Variants in WIPF2 observed in about 807,000 individuals in gnomAD.
The protein encoded by WIPF2 is WAS/WASL interacting protein family member 2.
Under a neutral mutation model 38.8 loss-of-function variants are expected in WIPF2, and 23 were observed. That is an observed-to-expected ratio of 0.59 (90% CI 0.43 to 0.84). WIPF2 has a LOEUF of 0.84. Among genes scored for constraint, WIPF2 ranks in the 40% least tolerant of loss-of-function variants. The pLI, the probability that WIPF2 is intolerant of heterozygous loss-of-function variation, is 0.00. For missense variants in WIPF2, 574 were observed against 580.5 expected, an observed-to-expected ratio of 0.99 and a Z score of 0.11; for synonymous variants, 210 against 223.2, an observed-to-expected ratio of 0.94 and a Z score of 0.53.
intron 1 of WIPF2, among the ~76,000 whole-genome samples, chr17:40,242,081 G>A (rs1004210683): frequency 4.6e-5 from 7 of 152,172 alleles, no homozygotes; most frequent in African/African-American, 1.7e-4. Flanking sequence ...AAGATGAGCA[G>A]CTCTATAGAA....
chr17:40,274,236 G>A (rs981483280), intron 6 of WIPF2, among the ~76,000 whole-genome samples: 11 of 152,126 alleles, frequency 7.2e-5, no homozygotes, highest in Non-Finnish European at 1.2e-4. Flanking sequence ...ATCAGCAAGT[G>A]TTGTGCTAAC....
Position 40,246,636 on chromosome 17 carries a change from A to T in WIPF2, c.-69-9755A>T, listed in dbSNP as rs183215968. On this transcript the variant is annotated intron_variant, in intron 1 of 7. Transcript: ENST00000323571. The stretch of plus-strand genomic sequence containing the variant: ...GGTCTTGAACTCCTGACCTCAAATG[A>T]TCCGCCTGCCTTAGCCTCCCAAAGT... Among the ~76,000 whole-genome samples the T allele has an allele frequency of 1.7e-3, 255 of 151,324 alleles. 1 individual carries two copies. Among genetic ancestry groups the T allele is most frequent in the African/African-American group, 6.0e-3 (246 of 41,206 alleles).
At chr17:40,264,124 G>T (rs1415299115) in intron 4 of WIPF2, among the ~76,000 whole-genome samples, 1 of 151,544 alleles carries the variant, frequency 6.6e-6, no homozygotes, top group Non-Finnish European at 1.5e-5. Context: ...CCTGAGGTTG[G>T]GATTTCGAGA....
intron 5 of WIPF2, among the ~76,000 whole-genome samples, chr17:40,272,246 C>T (rs950408489): frequency 1.3e-5 from 2 of 151,980 alleles, no homozygotes; most frequent in Non-Finnish European, 2.9e-5. Context: ...CTCGAACTCC[C>T]GACCTCAGGT....
rs112710081 is a variant in WIPF2, at chr17:40,264,935, G to A, written c.759G>A (p.Pro253=). Residue 253 remains proline, a synonymous_variant, in exon 5 of 8, where the codon CCG becomes CCA. Transcript: ENST00000323571. ...PSGQSLAPPP[P]PYRQPPGVPN... ...GCCAGTCTCTGGCTCCTCCTCCTCC[G>A]CCTTACCGCCAGCCTCCTGGGGTCC... is the stretch of plus-strand genomic sequence containing the variant. The A allele has an allele frequency of 4.2e-5, 67 of 1,613,942 alleles. No individual in the cohort carries two copies. Among genetic ancestry groups the A allele is most frequent in the African/African-American group, 2.5e-4 (19 of 74,896 alleles).
In WIPF2 at chr17:40,264,568, G is replaced by A. The variant is rs771123884; in HGVS notation, c.392G>A (p.Ser131Asn). The change falls in exon 5 of 8, where the codon AGC (serine) becomes AAC (asparagine). Residue 131 changes from serine to asparagine, a missense_variant. Ser to Asn is a conservative substitution (Grantham distance 46). Coordinates refer to ENST00000323571, the MANE Select transcript of WIPF2 (RefSeq NM_133264.5). ...CCAAGGCCTCCAGTATCTGCCGCCAGCGGGCGTCCTCAGGATGATACAGAC... is the reference window on the plus strand; with the variant it reads ...CCAAGGCCTCCAGTATCTGCCGCCAACGGGCGTCCTCAGGATGATACAGAC... The part of the protein sequence containing the change: ...AAPRPPVSAA[S>N]GRPQDDTDSS... 6.2e-7 allele frequency: 1 copy of A among 1,614,112 alleles called. No individual in the cohort carries two copies. Among genetic ancestry groups the A allele is most frequent in the South Asian group, 1.1e-5 (1 of 91,092 alleles).
At chr17:40,232,179 A>ATTTTTTTTT (rs752876006) in intron 1 of WIPF2, among the ~76,000 whole-genome samples, 18 of 76,052 alleles carry the variant, frequency 2.4e-4, no homozygotes, top group East Asian at 4.7e-4. Context: ...TGCCTGGCTA[A>ATTTTTTTTT]TTTTTTTTTT....
intron 1 of WIPF2, among the ~76,000 whole-genome samples, chr17:40,247,170 A>G (rs1317533214): frequency 6.8e-6 from 1 of 147,322 alleles, no homozygotes. Context: ...ACATAGGTGT[A>G]TGAAATGTTC....
chr17:40,253,558 C>T (rs1025435102), intron 1 of WIPF2, among the ~76,000 whole-genome samples: 7 of 152,142 alleles, frequency 4.6e-5, no homozygotes, highest in South Asian at 2.1e-4. Context: ...TTTACTGTTT[C>T]GATCAATTTT....
chr17:40,242,747 G>A (rs2031235483), intron 1 of WIPF2, among the ~76,000 whole-genome samples: 1 of 152,126 alleles, frequency 6.6e-6, no homozygotes, highest in African/African-American at 2.4e-5. Context: ...AAGCTACATC[G>A]AAAGTGTTAT....
intron 1 of WIPF2, among the ~76,000 whole-genome samples, chr17:40,250,190 C>T (rs2031506357): frequency 6.9e-6 from 1 of 144,578 alleles, no homozygotes; most frequent in Non-Finnish European, 1.5e-5. Context: ...ATATTGACTC[C>T]TGAGGATGTG....
chr17:40,251,860 A>G (rs118120219), intron 1 of WIPF2, among the ~76,000 whole-genome samples: 2 of 152,352 alleles, frequency 1.3e-5, no homozygotes, highest in East Asian at 1.9e-4. Flanking sequence ...CATGCATACA[A>G]TCCCTGTGGA....
chr17:40,263,560 G>A lies in WIPF2; in HGVS notation c.313+919G>A, dbSNP rs944787161. On this transcript the variant is annotated intron_variant, in intron 4 of 7. Coordinates refer to ENST00000323571, the MANE Select transcript of WIPF2 (RefSeq NM_133264.5). ...TTATTTATTCGTCCCCCCCCCCCCCGCAAATGGAGTCTTGCTCTGTCGCCC... is the reference window on the plus strand; with the variant it reads ...TTATTTATTCGTCCCCCCCCCCCCCACAAATGGAGTCTTGCTCTGTCGCCC... 8.3e-4 allele frequency among the ~76,000 whole-genome samples: 24 copies of A among 29,062 alleles called. 2 individuals are homozygous for A. Among genetic ancestry groups the A allele is most frequent in the African/African-American group, 2.6e-3 (20 of 7,608 alleles). 19.1% of individuals were successfully genotyped at this position (29,062 alleles called of 152,430 possible). A position where few individuals can be genotyped will look rare whatever the true frequency, so the allele number is the denominator to read the frequency against.
intron 1 of WIPF2, among the ~76,000 whole-genome samples, chr17:40,250,239 T>TTTTTA (rs2031512950): frequency 8.1e-6 from 1 of 123,244 alleles, no homozygotes; most frequent in Non-Finnish European, 1.7e-5. Context: ...TTTTTTTTTT[T>TTTTTA]TTTTTTTTGA....
intron 1 of WIPF2, among the ~76,000 whole-genome samples, chr17:40,224,352 C>T (rs1165042769): frequency 2.0e-5 from 3 of 149,908 alleles, no homozygotes; most frequent in Admixed American, 6.6e-5. Context: ...CTGCCTCAGC[C>T]TCCTGAGGAG....
intron 1 of WIPF2, among the ~76,000 whole-genome samples, chr17:40,250,217 ATGTTTTTTTTT>A (rs1463141943): frequency 1.2e-5 from 1 of 80,274 alleles, no homozygotes; most frequent in Non-Finnish European, 2.5e-5. Context: ...GAATTTTATC[ATGTTTTTTTTT>A]TTTTTTTTTT....
chr17:40,252,170 A>G (rs1451349625), intron 1 of WIPF2, among the ~76,000 whole-genome samples: 1 of 152,198 alleles, frequency 6.6e-6, no homozygotes, highest in Non-Finnish European at 1.5e-5. Context: ...AAAAATTGCT[A>G]TGCTAGAGAA....
At chr17:40,239,467 T>C (rs1394685925) in intron 1 of WIPF2, among the ~76,000 whole-genome samples, 2 of 151,984 alleles carry the variant, frequency 1.3e-5, no homozygotes, top group Non-Finnish European at 2.9e-5. Context: ...CCTGGCAGGC[T>C]GGTAAAAGGA....
chr17:40,264,910 G>T lies in WIPF2; in HGVS notation c.734G>T (p.Gly245Val). 6.2e-7 allele frequency: 1 copy of T among 1,614,092 alleles called. No individual in the cohort carries two copies. Among genetic ancestry groups the T allele is most frequent in the Non-Finnish European group, 8.5e-7 (1 of 1,180,008 alleles). ...GTGAATATCAGAACAGGACCAAGTG[G>T]CCAGTCTCTGGCTCCTCCTCCTCCG... ...SPVNIRTGPS[G>V]QSLAPPPPPY... The change falls in exon 5 of 8, where the codon GGC becomes GTC. Residue 245 changes from glycine to valine, a missense_variant. By Grantham distance (109) the Gly-to-Val change is moderately radical. Transcript: ENST00000323571.
Sources: allele counts gnomAD v4.1 joint callset (sites outside exome capture counted in the v4.1 genomes callset), GRCh38; gene constraint gnomAD v4.1.1; transcripts MANE v1.5; gene names NCBI Gene and HGNC (gene_info 2026-07-23, HGNC 2026-07-21).